The following COL1A2 variants were observed in gnomAD, a reference collection of about 807,000 sequenced individuals.
COL1A2 encodes the protein collagen type I alpha 2 chain, also known as collagen alpha-2(I) chain.
Under a neutral mutation model 174.3 loss-of-function variants are expected in COL1A2, and 49 were observed. The ratio of observed to expected loss-of-function variants is 0.28; its 90% confidence interval spans 0.22 to 0.36. The LOEUF (loss-of-function observed/expected upper bound fraction) is 0.36, where lower values mean the gene tolerates loss of function less well. Among genes scored for constraint, COL1A2 ranks in the 10% least tolerant of loss-of-function variants. The probability of loss-of-function intolerance (pLI) is 1.00; values close to 1 mark genes in which losing one functional copy is unlikely to be tolerated. For missense variants in COL1A2, 1,438 were observed against 1,822.7 expected, an observed-to-expected ratio of 0.79 and a Z score of 3.84; for synonymous variants, 655 against 606.6, an observed-to-expected ratio of 1.08 and a Z score of -1.17.
chr7:94,417,932 C>A, intron 32 of COL1A2, 101 bp downstream of exon 32: 2 of 918,350 alleles, frequency 2.2e-6, no homozygotes, highest in East Asian at 5.3e-5. Flanking sequence ...GGTCTGGTAG[C>A]ATTTTCATAT....
chr7:94,408,342 C>A lies in COL1A2; in HGVS notation c.700C>A (p.Arg234Ser). ...CCCTTTATTTTCTTCTTAGGGTGCC[C>A]GTGGCAGTGATGGAAGTGTGGGTCC... is the stretch of plus-strand genomic sequence containing the variant. ...RVGAPGPAGARGSDGSVGPVG... is the reference protein window; with the variant it reads ...RVGAPGPAGASGSDGSVGPVG... The change falls in exon 15 of 52, where the codon CGT becomes AGT. Residue 234 changes from arginine to serine, a missense_variant. Arg to Ser is a moderately radical substitution (Grantham distance 110). Around this residue, in one of 3 missense-constraint regions of COL1A2, gnomAD observed 281 missense variants for 310.9 expected, o/e 0.90. Transcript: ENST00000297268. 1 of 1,613,974 alleles carries A rather than the reference C, an allele frequency of 6.2e-7. No homozygotes were observed. Among genetic ancestry groups the A allele is most frequent in the Non-Finnish European group, 8.5e-7 (1 of 1,179,990 alleles).
In COL1A2 at chr7:94,401,553, T is replaced by G. The variant is rs748029941; in HGVS notation, c.226-14T>G. 1 of 1,312,360 alleles carries G rather than the reference T, an allele frequency of 7.6e-7. No homozygotes were observed. Among genetic ancestry groups the G allele is most frequent in the South Asian group, 2.3e-5 (1 of 43,602 alleles). 81.3% of individuals were successfully genotyped at this position (1,312,360 alleles called of 1,614,324 possible). On this transcript the variant is annotated splice_polypyrimidine_tract_variant and intron_variant, in intron 5 of 51. Coordinates refer to ENST00000297268, the MANE Select transcript of COL1A2 (RefSeq NM_000089.4). ...TTTATATATATATATAATTTTTTTTTTTTACTTCTCTAGAACTTTGCTGCT... is the reference window on the plus strand; with the variant it reads ...TTTATATATATATATAATTTTTTTTGTTTACTTCTCTAGAACTTTGCTGCT...
intron 39 of COL1A2, 189 bp from the exon 40 acceptor site, chr7:94,422,768 A>G: frequency 2.8e-6 from 2 of 707,720 alleles, no homozygotes; most frequent in Non-Finnish European, 4.8e-6. Context: ...ACAGCCTCAT[A>G]AAGGAAGACA....
chr7:94,402,861 A>G (rs1791714956), intron 6 of COL1A2, among the ~76,000 whole-genome samples: 1 of 152,198 alleles, frequency 6.6e-6, no homozygotes, highest in Non-Finnish European at 1.5e-5. Context: ...ACAGTAAGCT[A>G]ATATACTCTA....
At chr7:94,425,925 T>C (rs1792264105) in intron 44 of COL1A2, 68 bp downstream of exon 44, 18 of 1,591,272 alleles carry the variant, frequency 1.1e-5, no homozygotes, top group South Asian at 9.9e-5. Context: ...TTCCCCACAC[T>C]TGGGGATGGT....
intron 3 of COL1A2, 89 bp from the exon 4 acceptor site, chr7:94,398,960 C>T: frequency 7.9e-7 from 1 of 1,270,330 alleles, no homozygotes; most frequent in Admixed American, 1.7e-5. Context: ...TCAGTCTTAC[C>T]AACTAATTAT....
intron 4 of COL1A2, 79 bp from the exon 5 acceptor site, chr7:94,400,117 C>T: frequency 7.4e-7 from 1 of 1,345,228 alleles, no homozygotes; most frequent in Non-Finnish European, 1.1e-6. Flanking sequence ...AAGGTCTGAA[C>T]AACTGATCTT....
chr7:94,425,405 A>G, intron 42 of COL1A2, 181 bp downstream of exon 42: 2 of 814,320 alleles, frequency 2.5e-6, no homozygotes, highest in South Asian at 1.6e-5. Flanking sequence ...GGGCTTTTCA[A>G]TAGCACACTG....
intron 46 of COL1A2, 134 bp downstream of exon 46, chr7:94,426,664 A>G: frequency 1.3e-6 from 1 of 781,456 alleles, no homozygotes; most frequent in Non-Finnish European, 2.2e-6. Context: ...GGCTAACTCC[A>G]TCTCACTCTT....
chr7:94,418,549 T>C lies in COL1A2; in HGVS notation c.2022T>C (p.Ala674=). ...TTGGTAACCCTGGCAGAGATGGTGC[T>C]CGTGTGAGTAGAATTTTGTTTGTAT... ...GEIGNPGRDG[A]RGAPGAVGAP... The change falls in exon 33 of 52, where the codon GCT becomes GCC. Residue 674 remains alanine (A), a synonymous_variant. Transcript: ENST00000297268. The C allele has an allele frequency of 6.2e-7, 1 of 1,613,540 alleles. No individual in the cohort carries two copies.
chr7:94,424,574 G>T (rs1239196021), intron 41 of COL1A2, 131 bp downstream of exon 41: 12 of 774,886 alleles, frequency 1.5e-5, no homozygotes, highest in Admixed American at 1.5e-4. Flanking sequence ...TCTTTATACA[G>T]ATCACATGTC....
chr7:94,430,494 C>A lies in COL1A2; in HGVS notation c.*101C>A. The A allele has an allele frequency of 8.2e-7, 1 of 1,216,218 alleles. No homozygotes were observed. Among genetic ancestry groups the A allele is most frequent in the South Asian group, 1.3e-5 (1 of 79,520 alleles). 75.3% of individuals were successfully genotyped at this position (1,216,218 alleles called of 1,614,324 possible). ...AACTGAAAGCTGAATCCTTCCATTT[C>A]TTCTGCACATCTACTTGCTTAAATT... On this transcript the variant is annotated 3_prime_UTR_variant, in exon 52 of 52. Coordinates refer to ENST00000297268, the MANE Select transcript of COL1A2 (RefSeq NM_000089.4).
At chr7:94,405,758 A>G in intron 11 of COL1A2, 32 bp downstream of exon 11, 3 of 1,574,962 alleles carry the variant, frequency 1.9e-6, no homozygotes, top group Non-Finnish European at 2.6e-6. Flanking sequence ...AAGAGAGAAA[A>G]TGCCTATTAA....
Position 94,427,977 on chromosome 7 carries a change from T to G in COL1A2, c.3526+92T>G, listed in dbSNP as rs1792317966. The G allele has an allele frequency of 7.4e-6, 10 of 1,354,228 alleles. No individual in the cohort carries two copies. In the South Asian group the frequency reaches 1.2e-4, roughly 17 times the overall value. The allele number at this position is 1,354,228 out of a possible 1,614,324, so 83.9% of individuals were successfully genotyped here. A position where few individuals can be genotyped will look rare whatever the true frequency, so the allele number is the denominator to read the frequency against. On this transcript the variant is annotated intron_variant, in intron 49 of 51. Transcript: ENST00000297268. ...TTGACATTTAGAGTGAAAATGCATTTGGGTAAAGATTACATTATGTGAAAT... is the reference window on the plus strand; with the variant it reads ...TTGACATTTAGAGTGAAAATGCATTGGGGTAAAGATTACATTATGTGAAAT...
At chr7:94,398,949 A>C (rs1791633962) in intron 3 of COL1A2, 100 bp from the exon 4 acceptor site, 1 of 1,108,660 alleles carries the variant, frequency 9.0e-7, no homozygotes, top group Admixed American at 1.7e-5. Context: ...TTGTAGTTAC[A>C]TCAGTCTTAC....
Position 94,421,678 on chromosome 7 carries a change from A to G in COL1A2, c.2350-221A>G, listed in dbSNP as rs1345763593. ...GACCATCCAAACCTTAACGCAAAAT[A>G]TGGGCATTGCAACTGGTAATATGCT... On this transcript the variant is annotated intron_variant, in intron 38 of 51. Coordinates refer to ENST00000297268, the MANE Select transcript of COL1A2 (RefSeq NM_000089.4). Among the ~76,000 whole-genome samples the G allele has an allele frequency of 2.6e-5, 4 of 152,210 alleles. No homozygotes were observed. The South Asian group carries it at 6.2e-4, about 24-fold the overall frequency.
At chr7:94,405,652 T>C in intron 10 of COL1A2, 21 bp from the exon 11 acceptor site, 1 of 1,595,836 alleles carries the variant, frequency 6.3e-7, no homozygotes. Context: ...TTATTCACCA[T>C]CTTCTGTATT....
intron 39 of COL1A2, 68 bp from the exon 40 acceptor site, chr7:94,422,889 C>A: frequency 1.3e-6 from 2 of 1,572,880 alleles, no homozygotes; most frequent in Middle Eastern, 1.7e-4. Flanking sequence ...GATCTAGAAT[C>A]TTTGCTGCTC....
chr7:94,417,519 T>G (rs151175602), intron 31 of COL1A2: 1 of 585,294 alleles, frequency 1.7e-6, no homozygotes, highest in African/African-American at 1.8e-5. Context: ...GCACTCCCAC[T>G]ACCCTCATCT....
Sources: gnomAD v4.1 joint callset for allele counts (sites outside exome capture counted in the v4.1 genomes callset) on GRCh38, gnomAD v4.1.1 for gene constraint, gnomAD v4.1.1 regional missense constraint, MANE v1.5 for transcripts, NCBI Gene and HGNC (gene_info 2026-07-23, HGNC 2026-07-21) for gene names.